P2RX1: variants seen among roughly 807,000 people sequenced by gnomAD.
The protein encoded by P2RX1 is P2X purinoceptor 1.
In P2RX1, 42 loss-of-function variants were observed where a neutral mutation model predicts 50.3. The ratio of observed to expected loss-of-function variants is 0.83; its 90% CI spans 0.65 to 1.08. The LOEUF (loss-of-function observed/expected upper bound fraction) is 1.08. P2RX1 is among the 50% of genes least tolerant of loss of function. P2RX1 has a pLI of 0.00. For synonymous variants in P2RX1, 199 were observed against 202.6 expected (o/e 0.98, Z 0.15); for missense variants, 449 against 529.0 (o/e 0.85, Z 1.48).
rs1198397317 is a variant in P2RX1 at position 3,904,312 on chromosome 17, G to A, written c.427+18C>T. The A allele has an allele frequency of 6.2e-7, 1 of 1,611,166 alleles. No individual in the cohort carries two copies. Among genetic ancestry groups the A allele is most frequent in the Non-Finnish European group, 8.5e-7 (1 of 1,177,428 alleles). ...GCAGCCGGGGGACTGTGGAGGGACA[G>A]GAGGAGGCTGACCTTACCTTGGGCC... is the stretch of plus-strand genomic sequence containing the variant. On this transcript the variant is annotated intron_variant, in intron 4 of 11. Transcript: ENST00000225538.
chr17:3,915,452 G>A (rs936764761), intron 1 of P2RX1: 31 of 456,436 alleles, frequency 6.8e-5, no homozygotes, highest in South Asian at 1.2e-4. Flanking sequence ...AGCGTCCCAC[G>A]CTGCCTCTGA....
At chr17:3,912,593 A>C (rs139270034) in intron 1 of P2RX1, among the ~76,000 whole-genome samples, 1,546 of 152,266 alleles carry the variant, frequency 0.01, 23 homozygotes, top group African/African-American at 0.035. Context: ...AGCCTCCCAG[A>C]GTGCTGGGAT....
Position 3,904,980 on chromosome 17 carries a change from G to A in P2RX1, c.286-51C>T, listed in dbSNP as rs370666258. 114 of 1,290,726 alleles carry A rather than the reference G, an allele frequency of 8.8e-5. No homozygotes were observed. In the African/African-American group the frequency reaches 1.4e-3, roughly 16 times the overall value. The allele number at this position is 1,290,726 out of a possible 1,614,324, so 80.0% of individuals were successfully genotyped here. A position where few individuals can be genotyped will look rare whatever the true frequency, so the allele number is the denominator to read the frequency against. ...TGGGGTGGGCTGGGAGCTGGGAGAA[G>A]AGCCCCAAGGGCCCCACCGCTGCCC... On this transcript the variant is annotated intron_variant, in intron 2 of 11. Coordinates refer to ENST00000225538, the MANE Select transcript of P2RX1 (RefSeq NM_002558.4).
intron 1 of P2RX1, among the ~76,000 whole-genome samples, chr17:3,911,423 AC>A: frequency 6.6e-6 from 1 of 152,226 alleles, no homozygotes; most frequent in Middle Eastern, 3.4e-3. Context: ...GCCAGGTGTT[AC>A]GTGCTGCGGC....
intron 1 of P2RX1, among the ~76,000 whole-genome samples, 179 bp from the exon 2 acceptor site, chr17:3,905,546 C>G (rs1859838906): frequency 6.6e-6 from 1 of 152,194 alleles, no homozygotes; most frequent in African/African-American, 2.4e-5. Flanking sequence ...GCCTGAAGTT[C>G]CACGGTGCTT....
chr17:3,908,025 G>A (rs2056297578), intron 1 of P2RX1, among the ~76,000 whole-genome samples: 1 of 152,200 alleles, frequency 6.6e-6, no homozygotes, highest in Admixed American at 6.5e-5. Context: ...CAGGGAAGCT[G>A]AGGCCTGCAG....
intron 1 of P2RX1, among the ~76,000 whole-genome samples, chr17:3,911,238 T>A (rs753743021): frequency 1.3e-5 from 2 of 152,046 alleles, no homozygotes; most frequent in African/African-American, 4.8e-5. Context: ...TCCGCTCACT[T>A]TGGCCTCCCA....
rs1597507441 is a variant in P2RX1, at chr17:3,898,188, C to T, written c.1033-78G>A. 6 of 1,259,368 alleles carry T rather than the reference C, an allele frequency of 4.8e-6. No individual in the cohort carries two copies. In the East Asian group the frequency reaches 1.4e-4, roughly 29 times the overall value. The allele number at this position is 1,259,368 out of a possible 1,614,324, so 78.0% of individuals were successfully genotyped here. A position where few individuals can be genotyped will look rare whatever the true frequency, so the allele number is the denominator to read the frequency against. On this transcript the variant is annotated intron_variant, in intron 10 of 11. Coordinates refer to ENST00000225538, the MANE Select transcript of P2RX1 (RefSeq NM_002558.4). ...GAGCCCTCCACATCCCACCTCAGTC[C>T]CTGGTGGTGAGGCCCTGGCTGGATC...
chr17:3,915,887 G>T (rs768600176), intron 1 of P2RX1: 13 of 720,152 alleles, frequency 1.8e-5, no homozygotes, highest in South Asian at 1.8e-4. Context: ...AGGCCCCCGG[G>T]CAGGGCTTCC....
chr17:3,898,447 AACCCCAGCACAGTGAGCCGGTG>A lies in P2RX1; in HGVS notation c.1032+15_1032+36del. ...ACTGAATTGTGGAAGAGGAGGGGCC[AACCCCAGCACAGTGAGCCGGTG>A]ACCCCAGCACTTACCACCCCAAAGA... On this transcript the variant is annotated intron_variant, in intron 10 of 11. Transcript: ENST00000225538. The A allele has an allele frequency of 3.2e-6, 5 of 1,552,634 alleles. No individual in the cohort carries two copies. The highest frequency in any genetic ancestry group is 4.4e-6 in the Non-Finnish European group (5 of 1,124,366).
At chr17:3,909,947 AT>A (rs1227696133) in intron 1 of P2RX1, among the ~76,000 whole-genome samples, 1 of 149,088 alleles carries the variant, frequency 6.7e-6, no homozygotes. Context: ...TCAATTTACA[AT>A]GTGGTGATGT....
In P2RX1 at chr17:3,903,741, G is replaced by T; in HGVS notation, c.525-110C>A. The stretch of plus-strand genomic sequence containing the variant: ...GCCGAGCCTCCGGGACCCGCCTGCA[G>T]CCCTGGGCTGGTGGAGGGGTGGGTG... On this transcript the variant is annotated intron_variant, in intron 5 of 11. Transcript: ENST00000225538. The surrounding 1 kb of genome is among the most constrained non-coding windows in gnomAD (Gnocchi z 4.6). 1.6e-6 allele frequency: 2 copies of T among 1,270,700 alleles called. No homozygotes were observed. Among genetic ancestry groups the T allele is most frequent in the Non-Finnish European group, 2.3e-6 (2 of 876,938 alleles). The allele number at this position is 1,270,700 out of a possible 1,614,324, so 78.7% of individuals were successfully genotyped here. A position where few individuals can be genotyped will look rare whatever the true frequency, so the allele number is the denominator to read the frequency against.
chr17:3,900,346 T>C (rs112349891), intron 7 of P2RX1, among the ~76,000 whole-genome samples: 2 of 151,592 alleles, frequency 1.3e-5, no homozygotes. Flanking sequence ...CCCAGCTGCT[T>C]GGGAGGCTGA....
chr17:3,913,861 G>GC (rs538003207), intron 1 of P2RX1, among the ~76,000 whole-genome samples: 12 of 34,720 alleles, frequency 3.5e-4, no homozygotes, highest in South Asian at 2.1e-3. Context: ...GTGCACTCTT[G>GC]GGGGGGGTGG....
chr17:3,910,271 G>A (rs552772596), intron 1 of P2RX1, among the ~76,000 whole-genome samples: 5 of 152,126 alleles, frequency 3.3e-5, no homozygotes, highest in African/African-American at 4.8e-5. Flanking sequence ...CACTGTGCCC[G>A]GCCTACGAAA....
At chr17:3,901,936 A>G (rs1242773092) in intron 7 of P2RX1, among the ~76,000 whole-genome samples, 2 of 151,846 alleles carry the variant, frequency 1.3e-5, no homozygotes, top group Non-Finnish European at 2.9e-5. Context: ...AAAAACTCAC[A>G]CCCACTGAAG....
At chr17:3,901,849 C>G (rs1264810804) in intron 7 of P2RX1, among the ~76,000 whole-genome samples, 1 of 152,200 alleles carries the variant, frequency 6.6e-6, no homozygotes, top group African/African-American at 2.4e-5. Context: ...GCACGCCACG[C>G]ACACCGCGTC....
chr17:3,902,599 T>G (rs1337021636), intron 7 of P2RX1, among the ~76,000 whole-genome samples: 1 of 144,282 alleles, frequency 6.9e-6, no homozygotes. Flanking sequence ...CCCGGCCAAT[T>G]TTTGTTTTTG....
chr17:3,903,566 C>G lies in P2RX1; in HGVS notation c.590G>C (p.Arg197Pro), dbSNP rs367615874. 17 of 1,614,200 alleles carry G rather than the reference C, an allele frequency of 1.1e-5. No individual in the cohort carries two copies. The highest frequency in any genetic ancestry group is 1.4e-5 in the Non-Finnish European group (17 of 1,180,034). Residue 197 changes from arginine to proline, a missense_variant, in exon 6 of 12, where the codon CGC becomes CCC. Physicochemically the swap from Arg to Pro is moderately radical, Grantham distance 103. Coordinates refer to ENST00000225538, the MANE Select transcript of P2RX1 (RefSeq NM_002558.4). The surrounding 1 kb of genome is among the most constrained non-coding windows in gnomAD (Gnocchi z 4.6). ...TCCCACGCACCTGTTGACCTTGAAG[C>G]GTGGAAAGCTGATGCTGTTCTTGAT... Reference protein sequence around the residue: ...LFIKNSISFPRFKVNRRNLVE... With the variant: ...LFIKNSISFPPFKVNRRNLVE...
Sources: gnomAD v4.1 joint callset for allele counts (sites outside exome capture counted in the v4.1 genomes callset) on GRCh38, gnomAD v4.1.1 for gene constraint, Gnocchi (gnomAD v3.1) non-coding constraint, MANE v1.5 for transcripts, NCBI Gene and HGNC (gene_info 2026-07-23, HGNC 2026-07-21) for gene names.